Variants in PDE3B observed in about 807,000 individuals in gnomAD.
PDE3B encodes phosphodiesterase 3B, also known as cGMP-inhibited 3',5'-cyclic phosphodiesterase 3B.
In PDE3B, 66 loss-of-function variants were observed where a neutral mutation model predicts 116.8. The ratio of observed to expected loss-of-function variants is 0.56; its 90% CI spans 0.46 to 0.69. The LOEUF is 0.69. PDE3B is among the 30% of genes least tolerant of loss of function. The pLI, the probability that PDE3B is intolerant of heterozygous loss-of-function variation, is 0.00. For synonymous variants in PDE3B, 595 were observed against 533.6 expected, an observed-to-expected ratio of 1.12 and a Z score of -1.59; for missense variants, 1,384 against 1,368.1, an observed-to-expected ratio of 1.01 and a Z score of -0.18.
At chr11:14,832,642 A>G (rs1158726756) in intron 9 of PDE3B, 80 bp from the exon 10 acceptor site, 1 of 574,440 alleles carries the variant, frequency 1.7e-6, no homozygotes, top group African/African-American at 2.0e-5. Context: ...ATTCCAGAAT[A>G]CAAATCACAA....
At chr11:14,662,613 A>G (rs1361703419) in intron 1 of PDE3B, among the ~76,000 whole-genome samples, 1 of 152,246 alleles carries the variant, frequency 6.6e-6, no homozygotes, top group East Asian at 1.9e-4. Flanking sequence ...AAGTGCTTAA[A>G]GGAGCTGATG....
intron 13 of PDE3B, 98 bp downstream of exon 13, chr11:14,859,344 TAGGA>T: frequency 2.7e-6 from 2 of 731,726 alleles, no homozygotes; most frequent in Non-Finnish European, 4.4e-6. Context: ...TATTACTACT[TAGGA>T]AGTAACAATA....
chr11:14,892,202 A>G, the PDE3B span: 355 of 1,609,748 alleles, frequency 2.2e-4, 1 homozygote, highest in African/African-American at 4.3e-3. Flanking sequence ...CAAAGCTTCC[A>G]CATCGGCCCG....
chr11:14,809,970 G>A (rs1425530918), intron 5 of PDE3B, among the ~76,000 whole-genome samples: 1 of 151,832 alleles, frequency 6.6e-6, no homozygotes, highest in African/African-American at 2.4e-5. Context: ...ATGGTTTTGG[G>A]TCATCTTTAT....
intron 1 of PDE3B, among the ~76,000 whole-genome samples, chr11:14,702,798 A>T (rs951794583): frequency 6.6e-6 from 1 of 151,872 alleles, no homozygotes; most frequent in Non-Finnish European, 1.5e-5. Context: ...CATTTCCATC[A>T]TGGTTTATAA....
At chr11:14,876,880 G>A (rs146370176), downstream of PDE3B, among the ~76,000 whole-genome samples, 644 of 152,174 alleles carry the variant, frequency 4.2e-3, 5 homozygotes, top group African/African-American at 0.014. Flanking sequence ...CCCTTTTATT[G>A]CTTAAGTGAA....
chr11:14,769,465 T>G (rs1857578518), intron 1 of PDE3B, among the ~76,000 whole-genome samples: 1 of 150,956 alleles, frequency 6.6e-6, no homozygotes, highest in Non-Finnish European at 1.5e-5. Flanking sequence ...AGGCAGCCTT[T>G]AATTGTCTAA....
At chr11:14,785,194 CATTCAGCAATTCAG>C (rs1858152555) in intron 2 of PDE3B, among the ~76,000 whole-genome samples, 1 of 152,028 alleles carries the variant, frequency 6.6e-6, no homozygotes, top group Non-Finnish European at 1.5e-5. Flanking sequence ...TGTTAATTTG[CATTCAGCAATTCAG>C]ATTATGGGAA....
At chr11:14,783,791 T>C (rs996032397) in intron 2 of PDE3B, among the ~76,000 whole-genome samples, 5 of 151,756 alleles carry the variant, frequency 3.3e-5, no homozygotes. Flanking sequence ...GGGGAAAACA[T>C]TGTGAAATGA....
intron 7 of PDE3B, among the ~76,000 whole-genome samples, chr11:14,823,124 G>A (rs374796418): frequency 7.7e-4 from 117 of 152,292 alleles, no homozygotes; most frequent in African/African-American, 2.6e-3. Flanking sequence ...TGCTCCCGGG[G>A]GAGGGACAGG....
At chr11:14,668,814 T>C (rs1242170307) in intron 1 of PDE3B, among the ~76,000 whole-genome samples, 2 of 152,146 alleles carry the variant, frequency 1.3e-5, no homozygotes, top group Non-Finnish European at 2.9e-5. Flanking sequence ...AACACAAAAG[T>C]AAACACTACT....
chr11:14,689,048 C>T (rs1240167526), intron 1 of PDE3B, among the ~76,000 whole-genome samples: 1 of 152,204 alleles, frequency 6.6e-6, no homozygotes, highest in Admixed American at 6.5e-5. Context: ...GCTGGGATTA[C>T]AGGCCTGAGC....
chr11:14,644,554 G>A lies in PDE3B; in HGVS notation c.479G>A (p.Cys160Tyr), dbSNP rs376548386. 2 of 1,598,928 alleles carry A rather than the reference G, an allele frequency of 1.3e-6. No homozygotes were observed. Among genetic ancestry groups the A allele is most frequent in the African/African-American group, 1.3e-5 (1 of 74,554 alleles). ...TGGTGGCTGCTGGCGCTGCCCGCCT[G>A]CTGTTACCTGGGGGACTTCTTGGTG... ...GSWWLLALPA[C>Y]CYLGDFLVWQ... Residue 160 changes from cysteine (C) to tyrosine (Y), a missense_variant, in exon 1 of 16, where the codon TGC becomes TAC. Cys to Tyr is a radical substitution (Grantham distance 194). Coordinates refer to ENST00000282096, the MANE Select transcript of PDE3B (RefSeq NM_000922.4).
In PDE3B at chr11:14,831,743, A is replaced by G; in HGVS notation, c.2060A>G (p.Lys687Arg). ...TTTCCAATTTTTGAACTTGTAGAAAAGATGGGAGAGAAATCAGGAAGGATT... is the reference window on the plus strand; with the variant it reads ...TTTCCAATTTTTGAACTTGTAGAAAGGATGGGAGAGAAATCAGGAAGGATT... Reference protein sequence around the residue: ...WNFPIFELVEKMGEKSGRILS... With the variant: ...WNFPIFELVERMGEKSGRILS... Residue 687 changes from lysine to arginine, a missense_variant, in exon 9 of 16, where the codon AAG becomes AGG. This residue lies in a region of PDE3B where 428 missense variants were observed against 561.4 expected (regional missense o/e 0.76). Transcript: ENST00000282096. The G allele has an allele frequency of 6.2e-7, 1 of 1,605,598 alleles. No homozygotes were observed. Among genetic ancestry groups the G allele is most frequent in the South Asian group, 1.1e-5 (1 of 89,956 alleles).
chr11:14,667,856 T>TAAA (rs1217718055), intron 1 of PDE3B, among the ~76,000 whole-genome samples: 1 of 151,278 alleles, frequency 6.6e-6, no homozygotes, highest in Non-Finnish European at 1.5e-5. Context: ...ATAATAATAA[T>TAAA]AATAAAAGAA....
intron 1 of PDE3B, among the ~76,000 whole-genome samples, chr11:14,739,085 G>T (rs189860486): frequency 6.6e-6 from 1 of 152,138 alleles, no homozygotes; most frequent in East Asian, 1.9e-4. Context: ...GGCTATGCAG[G>T]CCCTTTTTTG....
intron 1 of PDE3B, among the ~76,000 whole-genome samples, chr11:14,696,274 T>G (rs1855205024): frequency 6.6e-6 from 1 of 152,160 alleles, no homozygotes; most frequent in African/African-American, 2.4e-5. Flanking sequence ...TGTTGAGCTG[T>G]TTTTCGTATG....
the PDE3B span, among the ~76,000 whole-genome samples, chr11:14,889,655 T>C: frequency 7.2e-5 from 11 of 152,182 alleles, no homozygotes; most frequent in Non-Finnish European, 1.2e-4. Flanking sequence ...AAAACTATGA[T>C]AGGGGACTTA....
At chr11:14,700,712 C>G (rs1053503217) in intron 1 of PDE3B, 1 of 151,676 alleles carries the variant, frequency 6.6e-6, no homozygotes, top group Non-Finnish European at 1.5e-5. Context: ...CAGTATCTCC[C>G]AAGAGTGAGC....
Sources: gnomAD v4.1 joint callset for allele counts (sites outside exome capture counted in the v4.1 genomes callset) on GRCh38, gnomAD v4.1.1 for gene constraint, gnomAD v4.1.1 regional missense constraint, MANE v1.5 for transcripts, NCBI Gene and HGNC (gene_info 2026-07-23, HGNC 2026-07-21) for gene names.